The following GLI2 variants were observed in gnomAD, a reference collection of about 807,000 sequenced individuals.
GLI2 encodes GLI family zinc finger 2.
In GLI2, 22 loss-of-function variants were observed where a neutral mutation model predicts 78.9. That is an observed-to-expected ratio of 0.28 (90% CI 0.20 to 0.40). The LOEUF is 0.40. Among genes scored for constraint, GLI2 ranks in the 10% least tolerant of loss-of-function variants. The pLI, the probability that GLI2 is intolerant of heterozygous loss-of-function variation, is 1.00. For missense variants in GLI2, 2,097 were observed against 2,213.2 expected, an observed-to-expected ratio of 0.95 and a Z score of 1.05; for synonymous variants, 974 against 963.7, an observed-to-expected ratio of 1.01 and a Z score of -0.20.
At chr2:120,945,051 C>T (rs1680640468) in intron 3 of GLI2, among the ~76,000 whole-genome samples, 1 of 152,200 alleles carries the variant, frequency 6.6e-6, no homozygotes, top group Non-Finnish European at 1.5e-5. Context: ...AGGGCTTTGC[C>T]AGGGATCTCC....
At position 120,989,781 on chromosome 2, in the gene GLI2, A is replaced by G. The variant is rs766588486; in HGVS notation, c.3816A>G (p.Ala1272=). 1.1e-5 allele frequency: 18 copies of G among 1,610,788 alleles called. No homozygotes were observed. In the African/African-American group the frequency reaches 1.3e-4, roughly 12 times the overall value. Reference sequence around the variant, plus strand: ...GGCACCCTCAGCAGACAGAAGTGGCACCTGACCCCACCACGATGGGCAATC... The same window carrying G: ...GGCACCCTCAGCAGACAGAAGTGGCGCCTGACCCCACCACGATGGGCAATC... ...HLGHPQQTEV[A]PDPTTMGNRH... is the part of the protein sequence containing the mutation. The change falls in exon 14 of 14, where the codon GCA becomes GCG. Residue 1272 remains alanine, a synonymous_variant. Transcript: ENST00000361492.
intron 9 of GLI2, among the ~76,000 whole-genome samples, chr2:120,977,275 G>C (rs1268842566): frequency 6.6e-6 from 1 of 152,204 alleles, no homozygotes; most frequent in Non-Finnish European, 1.5e-5. Flanking sequence ...TTTCCTAGGA[G>C]TGCATTTAAA....
chr2:120,805,972 A>T (rs1002525800), intron 2 of GLI2, among the ~76,000 whole-genome samples: 1 of 152,162 alleles, frequency 6.6e-6, no homozygotes, highest in Non-Finnish European at 1.5e-5. Context: ...ATTTGTAACA[A>T]TTTCCTCTCT....
intron 2 of GLI2, among the ~76,000 whole-genome samples, chr2:120,916,012 C>A (rs1329982273): frequency 6.6e-6 from 1 of 152,218 alleles, no homozygotes; most frequent in Non-Finnish European, 1.5e-5. Context: ...TACTGTGCAA[C>A]TGGGAACTAT....
chr2:120,968,979 C>T (rs1295099310), intron 6 of GLI2, 64 bp downstream of exon 6: 12 of 1,334,914 alleles, frequency 9.0e-6, no homozygotes, highest in South Asian at 4.8e-5. Context: ...GGTGGGGAGG[C>T]GCTGGCTTTT....
In GLI2 at chr2:120,988,351, G is replaced by A; in HGVS notation, c.2386G>A (p.Val796Ile). 1 of 1,572,768 alleles carries A rather than the reference G, an allele frequency of 6.4e-7. No individual in the cohort carries two copies. The highest frequency in any genetic ancestry group is 1.7e-4 in the Middle Eastern group (1 of 6,000). The change falls in exon 14 of 14, where the codon GTC becomes ATC. Residue 796 changes from valine to isoleucine, a missense_variant. Val to Ile is a conservative substitution (Grantham distance 29, BLOSUM62 3). Coordinates refer to ENST00000361492, the MANE Select transcript of GLI2 (RefSeq NM_001374353.1). ...GCGCCGCGACAGCTCCACCAGCACG[G>A]TCAGCTCGGCCTACACCGTGAGCCG... ...QERRDSSTST[V>I]SSAYTVSRRS...
intron 5 of GLI2, among the ~76,000 whole-genome samples, chr2:120,964,051 AT>A (rs1681718524): frequency 6.6e-6 from 1 of 152,134 alleles, no homozygotes; most frequent in Admixed American, 6.5e-5. Context: ...GGGAAAAAGG[AT>A]TTGGGCTCCT....
intron 2 of GLI2, among the ~76,000 whole-genome samples, chr2:120,830,969 ATC>A (rs530707843): frequency 3.7e-4 from 48 of 131,174 alleles, no homozygotes; most frequent in African/African-American, 1.2e-3. Context: ...CTGCCTCCGT[ATC>A]TCTCTCTGTC....
intron 2 of GLI2, among the ~76,000 whole-genome samples, chr2:120,888,803 G>C (rs1480112169): frequency 6.6e-6 from 1 of 152,176 alleles, no homozygotes; most frequent in Non-Finnish European, 1.5e-5. Flanking sequence ...CAGGACTCAT[G>C]GTCAGCGTTG....
At chr2:120,773,486 T>C (rs922947470) in intron 1 of GLI2, among the ~76,000 whole-genome samples, 1 of 152,222 alleles carries the variant, frequency 6.6e-6, no homozygotes, top group Non-Finnish European at 1.5e-5. Context: ...CGTGCTGATG[T>C]TGGCCTTGTC....
In GLI2 at chr2:120,975,103, G is replaced by T; in HGVS notation, c.1311G>T (p.Leu437=). Residue 437 remains leucine, a synonymous_variant, in exon 9 of 14, where the codon CTG becomes CTT. Coordinates refer to ENST00000361492, the MANE Select transcript of GLI2 (RefSeq NM_001374353.1). ...CTKEYDTQEQ[L]VHHINNEHIH... is the part of the protein sequence containing the mutation. The stretch of plus-strand genomic sequence containing the variant: ...AGGAGTACGACACCCAGGAGCAGCT[G>T]GTGCATGTAAGCTTTTGAACCCCAG... 6.2e-7 allele frequency: 1 copy of T among 1,613,858 alleles called. No homozygotes were observed. Among genetic ancestry groups the T allele is most frequent in the Non-Finnish European group, 8.5e-7 (1 of 1,180,014 alleles).
chr2:120,949,230 G>A (rs962606876), intron 3 of GLI2, among the ~76,000 whole-genome samples: 5 of 152,200 alleles, frequency 3.3e-5, no homozygotes, highest in Admixed American at 6.5e-5. Flanking sequence ...TAAGCCCTCC[G>A]CATTTCATGC....
chr2:120,937,322 C>A (rs144289225), intron 3 of GLI2, among the ~76,000 whole-genome samples: 1 of 152,262 alleles, frequency 6.6e-6, no homozygotes, highest in African/African-American at 2.4e-5. Context: ...GCAGTGAAGT[C>A]AGGACTTTTA....
At chr2:120,864,723 G>A (rs752320720) in intron 2 of GLI2, among the ~76,000 whole-genome samples, 5 of 152,056 alleles carry the variant, frequency 3.3e-5, no homozygotes, top group African/African-American at 7.2e-5. Flanking sequence ...CTGGGATTAC[G>A]GGCGTGAGTC....
intron 1 of GLI2, among the ~76,000 whole-genome samples, chr2:120,795,548 AC>A (rs1221869458): frequency 1.3e-5 from 2 of 148,236 alleles, no homozygotes; most frequent in Middle Eastern, 3.5e-3. Context: ...AAAAAAAAAA[AC>A]AACATAAAAC....
chr2:120,789,954 C>T (rs899443986), intron 1 of GLI2, among the ~76,000 whole-genome samples: 2 of 152,192 alleles, frequency 1.3e-5, no homozygotes, highest in Non-Finnish European at 2.9e-5. Flanking sequence ...CTAGCCAGCT[C>T]GGGACACCTA....
Position 120,990,960 on chromosome 2 carries a change from G to A in GLI2, c.*285G>A, listed in dbSNP as rs536145925. The A allele has an allele frequency of 2.3e-4, 97 of 413,440 alleles. 1 individual carries two copies. The highest frequency in any genetic ancestry group is 5.6e-4 in the East Asian group (14 of 24,796). 25.6% of individuals were successfully genotyped at this position (413,440 alleles called of 1,614,324 possible). A position where few individuals can be genotyped will look rare whatever the true frequency, so the allele number is the denominator to read the frequency against. ...CAGCCTTTGGTGCTTACAGGACCGCGCTGTTCCGGCTTCTTCACGGCTGAC... is the reference window on the plus strand; with the variant it reads ...CAGCCTTTGGTGCTTACAGGACCGCACTGTTCCGGCTTCTTCACGGCTGAC... On this transcript the variant is annotated 3_prime_UTR_variant, in exon 14 of 14. Transcript: ENST00000361492.
chr2:120,989,068 G>C lies in GLI2; in HGVS notation c.3103G>C (p.Asp1035His). Reference protein sequence around the residue: ...AGVDGAGPEADLGLPEDDLVL... With the variant: ...AGVDGAGPEAHLGLPEDDLVL... ...AGTGGACGGCGCGGGGCCCGAGGCC[G>C]ACCTGGGGCTGCCGGAGGACGACCT... is the stretch of plus-strand genomic sequence containing the variant. The change falls in exon 14 of 14, where the codon GAC becomes CAC. Residue 1035 changes from aspartate to histidine, a missense_variant. By Grantham distance (81) the Asp-to-His change is moderately conservative (BLOSUM62 -1). This residue lies in a region of GLI2 where 1,290 missense variants were observed against 1,261.7 expected (regional missense o/e 1.02). Transcript: ENST00000361492. The C allele has an allele frequency of 1.9e-6, 3 of 1,610,956 alleles. No homozygotes were observed. Among genetic ancestry groups the C allele is most frequent in the Non-Finnish European group, 2.5e-6 (3 of 1,179,726 alleles).
chr2:120,799,363 C>T (rs1028764343), intron 2 of GLI2, among the ~76,000 whole-genome samples: 4 of 152,196 alleles, frequency 2.6e-5, no homozygotes, highest in African/African-American at 9.6e-5. Flanking sequence ...CCTTCGTGAG[C>T]ATAGTTGCCA....
Sources: allele counts gnomAD v4.1 joint callset (sites outside exome capture counted in the v4.1 genomes callset), GRCh38; gene constraint gnomAD v4.1.1; regional missense constraint gnomAD v4.1.1; transcripts MANE v1.5; gene names NCBI Gene and HGNC (gene_info 2026-07-23, HGNC 2026-07-21).